Variants in GRM1 observed in about 807,000 individuals in gnomAD.
GRM1 encodes the protein glutamate metabotropic receptor 1, also known as metabotropic glutamate receptor 1.
A neutral mutation model predicts 90.9 loss-of-function variants in GRM1; 33 were observed. That is an observed-to-expected ratio of 0.36 (90% CI 0.28 to 0.49). GRM1 has a LOEUF of 0.49. GRM1 is among the 20% of genes least tolerant of loss of function. The pLI is 0.99. For synonymous variants in GRM1, 700 were observed against 613.2 expected (o/e 1.14, Z -2.09); for missense variants, 1,190 against 1,534.3 (o/e 0.78, Z 3.75).
At chr6:146,323,772 A>G (rs889075102) in intron 3 of GRM1, among the ~76,000 whole-genome samples, 2 of 152,102 alleles carry the variant, frequency 1.3e-5, no homozygotes, top group African/African-American at 2.4e-5. Flanking sequence ...TTTTGTATAA[A>G]GTGTAAGGAA....
rs563305627 is a variant in GRM1 at position 146,052,369 on chromosome 6, C to G, written c.700+22152C>G. Among the ~76,000 whole-genome samples, 3 of 152,092 alleles carry G rather than the reference C, an allele frequency of 2.0e-5. No homozygotes were observed. In the South Asian group the frequency reaches 6.2e-4, roughly 31 times the overall value. ...ACTTCTGGCTGCTCATTACATTTAT[C>G]TAGGGAGCTTTAAAACCTATAGATG... is the stretch of plus-strand genomic sequence containing the variant. On this transcript the variant is annotated intron_variant, in intron 1 of 7. Coordinates refer to ENST00000282753, the MANE Select transcript of GRM1 (RefSeq NM_001278064.2).
intron 1 of GRM1, among the ~76,000 whole-genome samples, chr6:146,146,095 C>T (rs927685987): frequency 2.2e-5 from 2 of 91,676 alleles, no homozygotes; most frequent in Non-Finnish European, 4.9e-5. Flanking sequence ...TATGTACTAC[C>T]ATTGTATCTT....
At chr6:146,205,395 A>C (rs1779461314) in intron 2 of GRM1, among the ~76,000 whole-genome samples, 1 of 152,086 alleles carries the variant, frequency 6.6e-6, no homozygotes, top group South Asian at 2.1e-4. Context: ...GACTGATTTA[A>C]CTCAGCATGT....
intron 1 of GRM1, among the ~76,000 whole-genome samples, chr6:146,113,898 C>G (rs1775650830): frequency 6.6e-6 from 1 of 152,136 alleles, no homozygotes; most frequent in South Asian, 2.1e-4. Context: ...GGTCCTCAAT[C>G]CTTGCTTAAT....
intron 1 of GRM1, among the ~76,000 whole-genome samples, chr6:146,097,378 A>G (rs1776907313): frequency 6.6e-6 from 1 of 152,176 alleles, no homozygotes; most frequent in Non-Finnish European, 1.5e-5. Flanking sequence ...GTAGAAAAAT[A>G]TGTATGAAGA....
At chr6:146,078,918 G>A (rs1448319862) in intron 1 of GRM1, among the ~76,000 whole-genome samples, 9 of 152,128 alleles carry the variant, frequency 5.9e-5, no homozygotes, top group Admixed American at 3.9e-4. Context: ...GATGAGGCTC[G>A]CAGACACTTT....
chr6:146,381,646 GCAGA>G (rs2115126706), intron 5 of GRM1, among the ~76,000 whole-genome samples: 1 of 152,224 alleles, frequency 6.6e-6, no homozygotes, highest in African/African-American at 2.4e-5. Context: ...GGTGGGGGAG[GCAGA>G]CAATCGGTAG....
At chr6:146,117,837 C>T (rs1775814048) in intron 1 of GRM1, among the ~76,000 whole-genome samples, 1 of 151,998 alleles carries the variant, frequency 6.6e-6, no homozygotes, top group Non-Finnish European at 1.5e-5. Flanking sequence ...TTGTTAAAAA[C>T]CAAGAATTTA....
At chr6:146,040,284 A>C (rs1235767392) in intron 1 of GRM1, among the ~76,000 whole-genome samples, 3 of 152,044 alleles carry the variant, frequency 2.0e-5, no homozygotes, top group Non-Finnish European at 4.4e-5. Context: ...ACTAGTAGCG[A>C]TACATGAGAC....
intron 1 of GRM1, among the ~76,000 whole-genome samples, chr6:146,045,340 T>C (rs1233323008): frequency 6.6e-6 from 1 of 152,002 alleles, no homozygotes; most frequent in Non-Finnish European, 1.5e-5. Flanking sequence ...ATCAATGCCT[T>C]CTCCCGCTAG....
At chr6:146,300,200 A>G (rs1186199837) in intron 2 of GRM1, among the ~76,000 whole-genome samples, 2 of 152,186 alleles carry the variant, frequency 1.3e-5, no homozygotes, top group African/African-American at 4.8e-5. Context: ...TTGCTTTAGC[A>G]CCTAGACTGT....
At chr6:146,395,281 A>T (rs1776887543) in intron 6 of GRM1, among the ~76,000 whole-genome samples, 2 of 152,074 alleles carry the variant, frequency 1.3e-5, no homozygotes, top group Non-Finnish European at 2.9e-5. Context: ...GATTCAACTA[A>T]TTCAGGAGGT....
chr6:146,182,270 A>G (rs1778575080), intron 2 of GRM1, among the ~76,000 whole-genome samples: 1 of 151,988 alleles, frequency 6.6e-6, no homozygotes, highest in Non-Finnish European at 1.5e-5. Context: ...CTTGATTAGT[A>G]GATTGTTTTT....
intron 2 of GRM1, among the ~76,000 whole-genome samples, chr6:146,218,724 T>A (rs1779956434): frequency 1.3e-5 from 2 of 152,298 alleles, no homozygotes; most frequent in South Asian, 2.1e-4. Flanking sequence ...CATCCACAAT[T>A]CCAGATATAA....
intron 2 of GRM1, among the ~76,000 whole-genome samples, chr6:146,291,132 T>G (rs907296397): frequency 1.3e-5 from 2 of 152,132 alleles, no homozygotes; most frequent in Non-Finnish European, 2.9e-5. Flanking sequence ...TCTCTGATGT[T>G]AAAATTATGT....
At chr6:146,375,172 T>A (rs958112178) in intron 5 of GRM1, among the ~76,000 whole-genome samples, 1 of 152,112 alleles carries the variant, frequency 6.6e-6, no homozygotes, top group African/African-American at 2.4e-5. Flanking sequence ...CCACGTAGTT[T>A]GTGTAGTGTC....
intron 1 of GRM1, among the ~76,000 whole-genome samples, chr6:146,101,605 C>T (rs1428669474): frequency 6.6e-6 from 1 of 152,056 alleles, no homozygotes; most frequent in Non-Finnish European, 1.5e-5. Flanking sequence ...AACTGCTCTG[C>T]CAGAGGATCC....
At chr6:146,175,789 G>A (rs907714242) in intron 2 of GRM1, among the ~76,000 whole-genome samples, 5 of 152,066 alleles carry the variant, frequency 3.3e-5, no homozygotes, top group Admixed American at 6.5e-5. Flanking sequence ...CTAGCCAGAT[G>A]AGAAAGGCCC....
At chr6:146,248,307 G>A (rs925952147) in intron 2 of GRM1, among the ~76,000 whole-genome samples, 6 of 152,186 alleles carry the variant, frequency 3.9e-5, no homozygotes, top group African/African-American at 1.4e-4. Context: ...GGATTGGATT[G>A]TGATATGGTT....
Sources: allele counts gnomAD v4.1 joint callset (sites outside exome capture counted in the v4.1 genomes callset), GRCh38; gene constraint gnomAD v4.1.1; transcripts MANE v1.5; gene names NCBI Gene and HGNC (gene_info 2026-07-23, HGNC 2026-07-21).